Variants in ROBO2 observed in about 807,000 individuals in gnomAD.
ROBO2 encodes the protein roundabout homolog 2.
In ROBO2, 53 loss-of-function variants were observed where a neutral mutation model predicts 160.8. The observed-to-expected ratio is 0.33, with a 90% CI of 0.26 to 0.41. ROBO2 has a LOEUF of 0.41. ROBO2 is among the 10% of genes least tolerant of loss of function. The pLI, the probability that ROBO2 is intolerant of heterozygous loss-of-function variation, is 1.00. For synonymous variants in ROBO2, 664 were observed against 611.7 expected (o/e 1.09, Z -1.26); for missense variants, 1,577 against 1,722.4 (o/e 0.92, Z 1.49).
intron 2 of ROBO2, among the ~76,000 whole-genome samples, chr3:76,331,972 C>T (rs1431649686): frequency 2.0e-5 from 3 of 152,154 alleles, no homozygotes; most frequent in Admixed American, 2.0e-4. Context: ...GAGTGAGCCA[C>T]TGCGCCCGCC....
At chr3:75,945,069 T>A (rs974269229) in intron 2 of ROBO2, among the ~76,000 whole-genome samples, 3 of 152,170 alleles carry the variant, frequency 2.0e-5, no homozygotes, top group African/African-American at 7.2e-5. Context: ...TAATTCAGAC[T>A]ATATATTTCT....
intron 2 of ROBO2, among the ~76,000 whole-genome samples, chr3:76,587,848 C>T (rs1392413101): frequency 1.3e-5 from 2 of 152,168 alleles, no homozygotes; most frequent in East Asian, 1.9e-4. Flanking sequence ...CATCTTTCTT[C>T]AGCCAATGTG....
At chr3:76,617,618 G>C (rs1311436505) in intron 2 of ROBO2, among the ~76,000 whole-genome samples, 1 of 152,144 alleles carries the variant, frequency 6.6e-6, no homozygotes, top group Non-Finnish European at 1.5e-5. Context: ...TCATGGACTA[G>C]TCGAAAAAGC....
At chr3:76,147,965 A>G (rs2071983443) in intron 2 of ROBO2, among the ~76,000 whole-genome samples, 1 of 152,006 alleles carries the variant, frequency 6.6e-6, no homozygotes, top group Non-Finnish European at 1.5e-5. Context: ...TAGAACAGTT[A>G]AGTGGAACTG....
chr3:77,099,071 C>CTTTTTTTT (rs750626067), intron 2 of ROBO2, among the ~76,000 whole-genome samples: 29 of 121,244 alleles, frequency 2.4e-4, no homozygotes, highest in East Asian at 7.8e-4. Context: ...TTCTTTCTTT[C>CTTTTTTTT]TTTTTTTTTT....
At chr3:77,598,401 C>T (rs1004710477) in intron 19 of ROBO2, among the ~76,000 whole-genome samples, 44 of 149,022 alleles carry the variant, frequency 3.0e-4, no homozygotes, top group Non-Finnish European at 5.9e-4. Context: ...ACCATTCCTA[C>T]TTCATAGGTG....
chr3:76,090,446 CAAAA>C (rs2069185832), intron 2 of ROBO2, among the ~76,000 whole-genome samples: 1 of 150,490 alleles, frequency 6.6e-6, no homozygotes, highest in African/African-American at 2.5e-5. Flanking sequence ...AAAACAAAAA[CAAAA>C]AGCTAAATAA....
chr3:75,977,503 T>A (rs748686721), intron 2 of ROBO2, among the ~76,000 whole-genome samples: 1 of 151,572 alleles, frequency 6.6e-6, no homozygotes, highest in Non-Finnish European at 1.5e-5. Context: ...TTTTTGAAAA[T>A]GCTTAAAAAT....
chr3:75,924,681 C>CTTTTTTTTTTTT lies in ROBO2; in HGVS notation c.-13-12787_-13-12776dup, dbSNP rs60599175. On this transcript the variant is annotated intron_variant, in intron 1 of 26. Coordinates refer to the ROBO2 transcript ENST00000487694. ...AATTATTGGGAATTTATTTTCTTTT[C>CTTTTTTTTTTTT]TTTTTTTTTTTTTTTTTTTTTTTTG... is the stretch of plus-strand genomic sequence containing the variant. Among the ~76,000 whole-genome samples, 36 of 66,018 alleles carry CTTTTTTTTTTTT rather than the reference C, an allele frequency of 5.5e-4. 3 individuals are homozygous for CTTTTTTTTTTTT. Among genetic ancestry groups the CTTTTTTTTTTTT allele is most frequent in the East Asian group, 1.1e-3 (2 of 1,846 alleles). The allele number at this position is 66,018 out of a possible 152,430, so 43.3% of individuals were successfully genotyped here. A position where few individuals can be genotyped will look rare whatever the true frequency, so the allele number is the denominator to read the frequency against.
chr3:76,892,726 G>C (rs1026838998), intron 2 of ROBO2, among the ~76,000 whole-genome samples: 6 of 152,130 alleles, frequency 3.9e-5, no homozygotes, highest in African/African-American at 1.2e-4. Context: ...AAACTTGCTT[G>C]ATTCATTTTA....
chr3:76,256,813 A>C (rs1161055738), intron 2 of ROBO2, among the ~76,000 whole-genome samples: 1 of 152,106 alleles, frequency 6.6e-6, no homozygotes, highest in Non-Finnish European at 1.5e-5. Flanking sequence ...CTTCATAGGA[A>C]GCATGGCCCT....
intron 6 of ROBO2, among the ~76,000 whole-genome samples, chr3:77,537,021 AGGCAGGAGCACATTAT>A (rs1038337851): frequency 1.3e-5 from 2 of 149,426 alleles, no homozygotes; most frequent in Non-Finnish European, 3.0e-5. Context: ...GTGGCATTTC[AGGCAGGAGCACATTAT>A]GTGTGACTCT....
intron 2 of ROBO2, among the ~76,000 whole-genome samples, chr3:75,971,151 A>G (rs1194189461): frequency 2.0e-5 from 3 of 151,492 alleles, no homozygotes; most frequent in Admixed American, 1.3e-4. Context: ...CCACTAAATA[A>G]CTAAGAACAA....
At chr3:76,487,464 T>C (rs1241603245) in intron 2 of ROBO2, among the ~76,000 whole-genome samples, 1 of 152,174 alleles carries the variant, frequency 6.6e-6, no homozygotes, top group Non-Finnish European at 1.5e-5. Context: ...AGATTTTCTA[T>C]TTCAACAATA....
At chr3:76,852,331 G>T (rs571514940) in intron 2 of ROBO2, among the ~76,000 whole-genome samples, 6 of 152,254 alleles carry the variant, frequency 3.9e-5, no homozygotes, top group East Asian at 1.9e-4. Flanking sequence ...GAGTATATTT[G>T]TTCCCCAGAT....
chr3:77,365,372 A>C (rs1419430789), intron 2 of ROBO2, among the ~76,000 whole-genome samples: 1 of 152,154 alleles, frequency 6.6e-6, no homozygotes, highest in African/African-American at 2.4e-5. Flanking sequence ...CTCAGAGGGG[A>C]GTTACTGACA....
intron 2 of ROBO2, among the ~76,000 whole-genome samples, chr3:76,924,542 T>A (rs142637819): frequency 1.9e-3 from 282 of 152,286 alleles, no homozygotes; most frequent in African/African-American, 6.6e-3. Context: ...CATTAAGGCA[T>A]TTTGTTATAG....
chr3:76,325,075 A>G (rs894115183), intron 2 of ROBO2, among the ~76,000 whole-genome samples: 2 of 152,274 alleles, frequency 1.3e-5, no homozygotes, highest in African/African-American at 4.8e-5. Flanking sequence ...ACTGCACTCC[A>G]GCCTGCGTGA....
chr3:77,458,427 GGAA>G (rs996139935), intron 2 of ROBO2, among the ~76,000 whole-genome samples: 18 of 152,230 alleles, frequency 1.2e-4, no homozygotes, highest in African/African-American at 3.9e-4. Context: ...TGGGTTTGTT[GGAA>G]GAAGAAGCTG....
Sources: gnomAD v4.1 joint callset for allele counts (sites outside exome capture counted in the v4.1 genomes callset) on GRCh38, gnomAD v4.1.1 for gene constraint, MANE v1.5 for transcripts, NCBI Gene and HGNC (gene_info 2026-07-23, HGNC 2026-07-21) for gene names.